The following LHFPL6 variants were observed in gnomAD, a reference collection of about 807,000 sequenced individuals.
LHFPL6 encodes LHFPL tetraspan subfamily member 6 protein.
In LHFPL6, 9 loss-of-function variants were observed where a neutral mutation model predicts 20.6. The ratio of observed to expected loss-of-function variants is 0.44; its 90% confidence interval spans 0.26 to 0.76. The LOEUF (loss-of-function observed/expected upper bound fraction) is 0.76, where lower values mean the gene tolerates loss of function less well. Ranked by LOEUF, LHFPL6 falls within the 30% of genes least tolerant of loss-of-function variation. The pLI, the probability that LHFPL6 is intolerant of heterozygous loss-of-function variation, is 0.20. For synonymous variants in LHFPL6, 105 were observed against 98.7 expected, an observed-to-expected ratio of 1.06 and a Z score of -0.38; for missense variants, 218 against 253.5, an observed-to-expected ratio of 0.86 and a Z score of 0.95.
chr13:39,537,723 C>A (rs1870663482), intron 2 of LHFPL6, among the ~76,000 whole-genome samples: 1 of 152,060 alleles, frequency 6.6e-6, no homozygotes, highest in African/African-American at 2.4e-5. Flanking sequence ...AAACCCTCAA[C>A]AATCACAGAA....
intron 3 of LHFPL6, among the ~76,000 whole-genome samples, chr13:39,363,949 G>A (rs1426729248): frequency 6.6e-6 from 1 of 152,172 alleles, no homozygotes; most frequent in Non-Finnish European, 1.5e-5. Context: ...TGCATTATTA[G>A]GTGATTTTGT....
intron 2 of LHFPL6, among the ~76,000 whole-genome samples, chr13:39,536,818 C>G (rs1003436604): frequency 1.3e-5 from 2 of 152,206 alleles, no homozygotes; most frequent in Non-Finnish European, 2.9e-5. Flanking sequence ...TACCTCTTGT[C>G]TACTTAAGAC....
At chr13:39,425,457 A>G (rs1289668234) in intron 2 of LHFPL6, among the ~76,000 whole-genome samples, 2 of 152,204 alleles carry the variant, frequency 1.3e-5, no homozygotes, top group African/African-American at 2.4e-5. Context: ...GTTGAGCCAT[A>G]CAGTAAGTGT....
intron 2 of LHFPL6, among the ~76,000 whole-genome samples, chr13:39,465,548 C>G (rs867445661): frequency 3.9e-5 from 6 of 152,260 alleles, no homozygotes; most frequent in Middle Eastern, 3.4e-3. Flanking sequence ...AACTGCCACC[C>G]GCAGTGCCGG....
At chr13:39,483,610 A>G (rs377182285) in intron 2 of LHFPL6, among the ~76,000 whole-genome samples, 1 of 148,976 alleles carries the variant, frequency 6.7e-6, no homozygotes, top group African/African-American at 2.5e-5. Context: ...TTTTCCTTTC[A>G]TTTTTTGATG....
chr13:39,540,581 A>T (rs1870765582), intron 2 of LHFPL6, among the ~76,000 whole-genome samples: 1 of 152,174 alleles, frequency 6.6e-6, no homozygotes, highest in African/African-American at 2.4e-5. Flanking sequence ...TATTAGGAAT[A>T]TCTGTAATCT....
chr13:39,437,968 T>C (rs1242057179), intron 2 of LHFPL6, among the ~76,000 whole-genome samples: 19 of 151,586 alleles, frequency 1.3e-4, no homozygotes, highest in Non-Finnish European at 1.0e-4. Context: ...GCTATAAAGA[T>C]ACCTAAAAAT....
At chr13:39,436,293 C>G (rs1029476462) in intron 2 of LHFPL6, among the ~76,000 whole-genome samples, 2 of 152,068 alleles carry the variant, frequency 1.3e-5, no homozygotes, top group African/African-American at 2.4e-5. Flanking sequence ...ACTTCAATGT[C>G]AACTATATCA....
At chr13:39,574,902 T>C (rs1593370341) in intron 2 of LHFPL6, among the ~76,000 whole-genome samples, 1 of 152,168 alleles carries the variant, frequency 6.6e-6, no homozygotes, top group East Asian at 1.9e-4. Context: ...TGAAACCCTG[T>C]CTCTACTAAA....
chr13:39,515,089 T>C lies in LHFPL6; in HGVS notation c.385+85743A>G, dbSNP rs992338718. Among the ~76,000 whole-genome samples the C allele has an allele frequency of 2.6e-5, 4 of 152,254 alleles. 1 individual carries two copies. The highest frequency in any genetic ancestry group is 9.6e-5 in the African/African-American group (4 of 41,478). ...GATCCTGATGAGACCTGAATCCCCT[T>C]TAAGTGGAGTGGCTGTACCTCTAAC... On this transcript the variant is annotated intron_variant, in intron 2 of 3. Transcript: ENST00000379589.
chr13:39,431,876 T>A (rs1367093848), intron 2 of LHFPL6, among the ~76,000 whole-genome samples: 1 of 152,146 alleles, frequency 6.6e-6, no homozygotes, highest in African/African-American at 2.4e-5. Flanking sequence ...CTCCCATTTT[T>A]TTTTCCTTGT....
chr13:39,398,726 G>A (rs73456931), intron 2 of LHFPL6, among the ~76,000 whole-genome samples: 5,533 of 152,272 alleles, frequency 0.036, 379 homozygotes, highest in African/African-American at 0.13. Flanking sequence ...GGTGGGGAGC[G>A]GTGGGCAAGT....
intron 2 of LHFPL6, among the ~76,000 whole-genome samples, chr13:39,580,668 C>T (rs924517857): frequency 5.9e-5 from 9 of 152,088 alleles, no homozygotes; most frequent in African/African-American, 9.7e-5. Context: ...TTGGTAATAG[C>T]GACCATTTAT....
intron 2 of LHFPL6, among the ~76,000 whole-genome samples, chr13:39,550,271 T>C (rs1187074616): frequency 6.6e-6 from 1 of 152,088 alleles, no homozygotes; most frequent in African/African-American, 2.4e-5. Flanking sequence ...AAGGGTTGAC[T>C]AGAAAGGACT....
At chr13:39,508,654 A>T (rs1433453503) in intron 2 of LHFPL6, among the ~76,000 whole-genome samples, 1 of 152,190 alleles carries the variant, frequency 6.6e-6, no homozygotes, top group Non-Finnish European at 1.5e-5. Flanking sequence ...TGTTGCATGT[A>T]TTATAAATTC....
chr13:39,564,044 T>A (rs1348847172), intron 2 of LHFPL6, among the ~76,000 whole-genome samples: 3 of 152,124 alleles, frequency 2.0e-5, no homozygotes, highest in Non-Finnish European at 4.4e-5. Context: ...GGACTGCTAT[T>A]ATCATTGCAC....
At chr13:39,484,847 A>G (rs544583944) in intron 2 of LHFPL6, among the ~76,000 whole-genome samples, 5 of 152,216 alleles carry the variant, frequency 3.3e-5, no homozygotes, top group African/African-American at 4.8e-5. Context: ...TGTGTGGCAG[A>G]TGAGTTCCCC....
chr13:39,551,781 T>C (rs1246580520), intron 2 of LHFPL6, among the ~76,000 whole-genome samples: 1 of 152,172 alleles, frequency 6.6e-6, no homozygotes, highest in Non-Finnish European at 1.5e-5. Flanking sequence ...AAAAAATTAG[T>C]TTTTATTTCT....
chr13:39,402,998 T>A (rs1429360963), intron 2 of LHFPL6, among the ~76,000 whole-genome samples: 2 of 152,186 alleles, frequency 1.3e-5, no homozygotes, highest in Admixed American at 1.3e-4. Context: ...TGGAACCTAA[T>A]TACTGAAAAA....
Sources: allele counts gnomAD v4.1 joint callset (sites outside exome capture counted in the v4.1 genomes callset), GRCh38; gene constraint gnomAD v4.1.1; transcripts MANE v1.5; gene names NCBI Gene and HGNC (gene_info 2026-07-23, HGNC 2026-07-21).